Variants in ZC3H14 observed in about 807,000 individuals in gnomAD.
ZC3H14 encodes the protein zinc finger CCCH domain-containing protein 14.
Under a neutral mutation model 92.4 loss-of-function variants are expected in ZC3H14, and 31 were observed. The ratio of observed to expected loss-of-function variants is 0.34; its 90% CI spans 0.25 to 0.45. The LOEUF is 0.45. Among genes scored for constraint, ZC3H14 ranks in the 20% least tolerant of loss-of-function variants. The probability of loss-of-function intolerance (pLI) is 1.00; values close to 1 mark genes in which losing one functional copy is unlikely to be tolerated. For synonymous variants in ZC3H14, 321 were observed against 300.9 expected, an observed-to-expected ratio of 1.07 and a Z score of -0.69; for missense variants, 781 against 897.3, an observed-to-expected ratio of 0.87 and a Z score of 1.66.
chr14:88,570,250 G>A (rs2139552956), intron 3 of ZC3H14, among the ~76,000 whole-genome samples: 1 of 152,226 alleles, frequency 6.6e-6, no homozygotes, highest in Admixed American at 6.5e-5. Context: ...TGATTATTTG[G>A]AGCCTTGAAG....
intron 6 of ZC3H14, 49 bp downstream of exon 6, chr14:88,573,056 T>C: frequency 1.3e-6 from 2 of 1,591,964 alleles, no homozygotes; most frequent in South Asian, 1.1e-5. Context: ...TCGGCAGTTC[T>C]TGATACCAAA....
At position 88,602,850 on chromosome 14, in the gene ZC3H14, C is replaced by T; in HGVS notation, c.1537C>T (p.Pro513Ser). 6.2e-7 allele frequency: 1 copy of T among 1,614,130 alleles called. No homozygotes were observed. ...CAGAGATCTTGTACAACCAGATAAA[C>T]CTGCAAGTCCCAAGTTTATAGTGAC... The part of the protein sequence containing the change: ...QTRDLVQPDK[P>S]ASPKFIVTLD... Residue 513 changes from proline to serine, a missense_variant, in exon 12 of 17, where the codon CCT becomes TCT. Coordinates refer to ENST00000251038, the MANE Select transcript of ZC3H14 (RefSeq NM_024824.5).
rs1595176102 is a variant in ZC3H14 at position 88,616,727 on chromosome 14, A to G, written c.*4976A>G. 2.5e-6 allele frequency: 4 copies of G among 1,611,644 alleles called. No individual in the cohort carries two copies. The highest frequency in any genetic ancestry group is 3.4e-6 in the Non-Finnish European group (4 of 1,178,684). ...ATAGTAAACAAAACACAAACTTACAAATTTTTCTGGACATGGGAAGTCAAA... is the reference window on the plus strand; with the variant it reads ...ATAGTAAACAAAACACAAACTTACAGATTTTTCTGGACATGGGAAGTCAAA... On this transcript the variant is annotated 3_prime_UTR_variant, in exon 17 of 17. Transcript: ENST00000251038.
chr14:88,614,573 A>G lies in ZC3H14; in HGVS notation c.*2822A>G, dbSNP rs1004068403. The G allele has an allele frequency of 6.6e-6, 1 of 152,226 alleles. No homozygotes were observed. Among genetic ancestry groups the G allele is most frequent in the Non-Finnish European group, 1.5e-5 (1 of 68,032 alleles). 9.4% of individuals were successfully genotyped at this position (152,226 alleles called of 1,614,324 possible). A position where few individuals can be genotyped will look rare whatever the true frequency, so the allele number is the denominator to read the frequency against. ...AAGATAATTAACACATTAAAAACTC[A>G]TAGGGTCAATACAGCATCTTAAACC... On this transcript the variant is annotated 3_prime_UTR_variant, in exon 17 of 17. Coordinates refer to ENST00000251038, the MANE Select transcript of ZC3H14 (RefSeq NM_024824.5).
intron 9 of ZC3H14, among the ~76,000 whole-genome samples, chr14:88,585,619 T>C (rs886617058): frequency 2.0e-5 from 3 of 152,104 alleles, no homozygotes; most frequent in African/African-American, 7.2e-5. Context: ...TCTGATCCCC[T>C]GACCTTGTTA....
In ZC3H14 at chr14:88,618,845, C is replaced by G. The variant is rs756826110; in HGVS notation, c.*7094C>G. ...AAAACAAAACGTAAAAAGTATTAGA[C>G]CACATGAAGTATTATAAATACTTAA... On this transcript the variant is annotated 3_prime_UTR_variant, in exon 17 of 17. Coordinates refer to ENST00000251038, the MANE Select transcript of ZC3H14 (RefSeq NM_024824.5). The G allele has an allele frequency of 2.0e-6, 3 of 1,536,984 alleles. No individual in the cohort carries two copies. In the South Asian group the frequency reaches 3.7e-5, roughly 19 times the overall value.
rs1369184695 is a variant in ZC3H14 at position 88,620,650 on chromosome 14, A to G, written c.*8899A>G. Reference sequence around the variant, plus strand: ...TACAATTTATAATACGGGAAATGCTACAGGCCCTGGGGACCTCTTTTTGAA... The same window carrying G: ...TACAATTTATAATACGGGAAATGCTGCAGGCCCTGGGGACCTCTTTTTGAA... On this transcript the variant is annotated 3_prime_UTR_variant, in exon 17 of 17. Coordinates refer to ENST00000251038, the MANE Select transcript of ZC3H14 (RefSeq NM_024824.5). This position sits in a 1 kb window ranked among gnomAD's most constrained non-coding sequence, Gnocchi z 4.3. The G allele has an allele frequency of 5.6e-6, 5 of 890,274 alleles. No individual in the cohort carries two copies. Among genetic ancestry groups the G allele is most frequent in the African/African-American group, 5.2e-5 (3 of 57,672 alleles). The allele number at this position is 890,274 out of a possible 1,614,324, so 55.1% of individuals were successfully genotyped here. A position where few individuals can be genotyped will look rare whatever the true frequency, so the allele number is the denominator to read the frequency against.
chr14:88,568,204 G>T, intron 3 of ZC3H14, 51 bp downstream of exon 3: 2 of 1,470,934 alleles, frequency 1.4e-6, no homozygotes, highest in Non-Finnish European at 1.9e-6. Flanking sequence ...ACAAGCCTGA[G>T]TTGATATTCT....
Position 88,575,835 on chromosome 14 carries a change from T to C in ZC3H14, c.1023-5T>C, listed in dbSNP as rs1182163094. 6.2e-7 allele frequency: 1 copy of C among 1,610,276 alleles called. No homozygotes were observed. Among genetic ancestry groups the C allele is most frequent in the East Asian group, 2.2e-5 (1 of 44,826 alleles). Reference sequence around the variant, plus strand: ...TAATAAAAATACCTTTCTTAACTCTTTTAGACCTTCTCTTCCACCTTCTAA... The same window carrying C: ...TAATAAAAATACCTTTCTTAACTCTCTTAGACCTTCTCTTCCACCTTCTAA... On this transcript the variant is annotated splice_region_variant and splice_polypyrimidine_tract_variant and intron_variant, in intron 7 of 16. Coordinates refer to ENST00000251038, the MANE Select transcript of ZC3H14 (RefSeq NM_024824.5).
rs2089276791 is a variant in ZC3H14 at position 88,622,919 on chromosome 14, G to A, written c.*11168G>A. 4.9e-6 allele frequency: 2 copies of A among 404,338 alleles called. No individual in the cohort carries two copies. The highest frequency in any genetic ancestry group is 4.4e-5 in the Admixed American group (1 of 22,684). The allele number at this position is 404,338 out of a possible 1,614,324, so 25.0% of individuals were successfully genotyped here. ...CAGTCAAAATAAACATCCAGTTTCAGTGAATTTTATTTTGAGAAATACTCT... is the reference window on the plus strand; with the variant it reads ...CAGTCAAAATAAACATCCAGTTTCAATGAATTTTATTTTGAGAAATACTCT... On this transcript the variant is annotated 3_prime_UTR_variant, in exon 17 of 17. Coordinates refer to ENST00000251038, the MANE Select transcript of ZC3H14 (RefSeq NM_024824.5).
In ZC3H14 at chr14:88,563,115, TC is replaced by T; in HGVS notation, c.-16del. Reference sequence around the variant, plus strand: ...AGCCAAGCGCCGCGCAGTGCTGAGTTCCCGCACGCCGCAGAGCCATGGAGAT... The same window carrying T: ...AGCCAAGCGCCGCGCAGTGCTGAGTTCCGCACGCCGCAGAGCCATGGAGAT... On this transcript the variant is annotated 5_prime_UTR_variant, in exon 1 of 17. Coordinates refer to ENST00000251038, the MANE Select transcript of ZC3H14 (RefSeq NM_024824.5). 1 of 1,584,520 alleles carries T rather than the reference TC, an allele frequency of 6.3e-7. No homozygotes were observed.
In ZC3H14 at chr14:88,572,191, A is replaced by G. The variant is rs369122775; in HGVS notation, c.397A>G (p.Thr133Ala). The change falls in exon 5 of 17, where the codon ACA becomes GCA. Residue 133 changes from threonine (T) to alanine (A), a missense_variant. Thr to Ala is a moderately conservative substitution (Grantham distance 58). This residue lies in a region of ZC3H14 where 454 missense variants were observed against 438.5 expected (regional missense o/e 1.04). Transcript: ENST00000251038. ...RPEKRDSRVS[T>A]SSQESKTTNV... is the part of the protein sequence containing the mutation. ...TGAAAAAAGAGATTCCAGAGTTTCT[A>G]CAAGTTCGCAGGAGTCAAAAACCAC... 10 of 1,614,056 alleles carry G rather than the reference A, an allele frequency of 6.2e-6. No homozygotes were observed. The highest frequency in any genetic ancestry group is 1.6e-4 in the Middle Eastern group (1 of 6,084).
Position 88,619,372 on chromosome 14 carries a change from AAAC to A in ZC3H14, c.*7624_*7626del, listed in dbSNP as rs1567015869. The A allele has an allele frequency of 6.6e-6, 1 of 152,368 alleles. No individual in the cohort carries two copies. Among genetic ancestry groups the A allele is most frequent in the African/African-American group, 2.4e-5 (1 of 41,440 alleles). 9.4% of individuals were successfully genotyped at this position (152,368 alleles called of 1,614,324 possible). ...AAGAGCAAAACTCCAACTCAAAACA[AAAC>A]AAAACAAAATTTAATTTTTTAAATA... On this transcript the variant is annotated 3_prime_UTR_variant, in exon 17 of 17. Coordinates refer to ENST00000251038, the MANE Select transcript of ZC3H14 (RefSeq NM_024824.5).
intron 13 of ZC3H14, among the ~76,000 whole-genome samples, chr14:88,607,922 C>T (rs2085806538): frequency 8.7e-6 from 1 of 114,848 alleles, no homozygotes. Flanking sequence ...CCACCTCACC[C>T]TGCAAGTACC....
intron 8 of ZC3H14, among the ~76,000 whole-genome samples, chr14:88,577,497 ATCTC>A (rs754188079): frequency 7.9e-5 from 12 of 152,160 alleles, no homozygotes; most frequent in African/African-American, 2.7e-4. Context: ...TCAGGTATCT[ATCTC>A]AGTAACGTAA....
rs941676117 is a variant in ZC3H14 at position 88,626,600 on chromosome 14, G to A, written c.*14849G>A. On this transcript the variant is annotated 3_prime_UTR_variant, in exon 17 of 17. Transcript: ENST00000251038. Reference sequence around the variant, plus strand: ...CCATTGCACCCCAGCCCAGGCGACAGAGTGAGATACTGTGTCAAAAAAAAA... The same window carrying A: ...CCATTGCACCCCAGCCCAGGCGACAAAGTGAGATACTGTGTCAAAAAAAAA... 1.0e-5 allele frequency: 5 copies of A among 492,010 alleles called. No homozygotes were observed. Among genetic ancestry groups the A allele is most frequent in the Non-Finnish European group, 1.8e-5 (5 of 273,064 alleles). 30.5% of individuals were successfully genotyped at this position (492,010 alleles called of 1,614,324 possible).
intron 8 of ZC3H14, among the ~76,000 whole-genome samples, chr14:88,577,477 A>G (rs536871815): frequency 6.4e-4 from 98 of 152,304 alleles, no homozygotes; most frequent in Non-Finnish European, 1.2e-3. Flanking sequence ...ATATGTTTGG[A>G]TAAATAGGTT....
chr14:88,625,019 A>T lies in ZC3H14; in HGVS notation c.*13268A>T. On this transcript the variant is annotated 3_prime_UTR_variant, in exon 17 of 17. Coordinates refer to ENST00000251038, the MANE Select transcript of ZC3H14 (RefSeq NM_024824.5). ...ATAAGTCCATCTCGCAGGGTGGTGTACATGGCAAACACAGGCCCGTTGTGA... is the reference window on the plus strand; with the variant it reads ...ATAAGTCCATCTCGCAGGGTGGTGTTCATGGCAAACACAGGCCCGTTGTGA... 6.2e-7 allele frequency: 1 copy of T among 1,613,788 alleles called. No homozygotes were observed. The highest frequency in any genetic ancestry group is 8.5e-7 in the Non-Finnish European group (1 of 1,179,714).
In ZC3H14 at chr14:88,613,039, A is replaced by G. The variant is rs565794050; in HGVS notation, c.*1288A>G. 1 of 152,674 alleles carries G rather than the reference A, an allele frequency of 6.5e-6. No individual in the cohort carries two copies. Among genetic ancestry groups the G allele is most frequent in the East Asian group, 1.9e-4 (1 of 5,188 alleles). The allele number at this position is 152,674 out of a possible 1,614,324, so 9.5% of individuals were successfully genotyped here. On this transcript the variant is annotated 3_prime_UTR_variant, in exon 17 of 17. Transcript: ENST00000251038. ...CGTATACTCAAATGATGATAAACCT[A>G]CATGTGCAAAGGCTCACGTTTAAGA...
Sources: gnomAD v4.1 joint callset for allele counts (sites outside exome capture counted in the v4.1 genomes callset) on GRCh38, gnomAD v4.1.1 for gene constraint, gnomAD v4.1.1 regional missense constraint, Gnocchi (gnomAD v3.1) non-coding constraint, MANE v1.5 for transcripts, NCBI Gene and HGNC (gene_info 2026-07-23, HGNC 2026-07-21) for gene names.